The following TMPRSS6 variants were observed in gnomAD, a reference collection of about 807,000 sequenced individuals.
TMPRSS6 encodes transmembrane protease serine 6.
A neutral mutation model predicts 101.5 loss-of-function variants in TMPRSS6; 67 were observed. The observed-to-expected ratio is 0.66, with a 90% CI of 0.54 to 0.81. The LOEUF (loss-of-function observed/expected upper bound fraction) is 0.81, where lower values mean the gene tolerates loss of function less well. Ranked by LOEUF, TMPRSS6 falls within the 30% of genes least tolerant of loss-of-function variation. The probability of loss-of-function intolerance (pLI) is 0.00; values close to 1 mark genes in which losing one functional copy is unlikely to be tolerated. For synonymous variants in TMPRSS6, 453 were observed against 464.9 expected (o/e 0.97, Z 0.33); for missense variants, 1,034 against 1,088.7 (o/e 0.95, Z 0.71).
At chr22:37,108,222 T>C (rs2146202109) in intron 1 of TMPRSS6, among the ~76,000 whole-genome samples, 1 of 152,274 alleles carries the variant, frequency 6.6e-6, no homozygotes, top group South Asian at 2.1e-4. Flanking sequence ...TCAGTGCTTG[T>C]TCACGGCCAG....
At chr22:37,074,856 C>A in intron 11 of TMPRSS6, 148 bp from the exon 12 acceptor site, 1 of 883,932 alleles carries the variant, frequency 1.1e-6, no homozygotes, top group Non-Finnish European at 1.8e-6. Context: ...CCTGTGTACA[C>A]AGTCCAAGCA....
rs570001489 is a variant in TMPRSS6 at position 37,104,792 on chromosome 22, C to G, written c.-1-1374G>C. Among the ~76,000 whole-genome samples, 125 of 152,120 alleles carry G rather than the reference C, an allele frequency of 8.2e-4. 2 individuals carry two copies. Among genetic ancestry groups the G allele is most frequent in the Non-Finnish European group, 2.2e-4 (15 of 68,012 alleles). ...CCTGGCCAATATGGTGAAACCCTGTCACTATGAAAAATACAAAAATTAGCC... is the reference window on the plus strand; with the variant it reads ...CCTGGCCAATATGGTGAAACCCTGTGACTATGAAAAATACAAAAATTAGCC... On this transcript the variant is annotated intron_variant, in intron 1 of 17. Transcript: ENST00000676104.
At chr22:37,091,195 A>G (rs899971995) in intron 6 of TMPRSS6, among the ~76,000 whole-genome samples, 2 of 152,236 alleles carry the variant, frequency 1.3e-5, no homozygotes. Flanking sequence ...TGGAGCATCC[A>G]GTATCTCATT....
rs574901918 is a variant in TMPRSS6, at chr22:37,068,656, T to C, written c.2113+417A>G. On this transcript the variant is annotated intron_variant, in intron 16 of 17. Coordinates refer to ENST00000676104, the MANE Select transcript of TMPRSS6 (RefSeq NM_001374504.1). ...AGCCTTGGTTTCTCCATCCATAAAA[T>C]AGGGCCACAGCATCCGCCCGTAGGG... The C allele has an allele frequency of 3.0e-5, 23 of 779,658 alleles. 1 individual carries two copies. The highest frequency in any genetic ancestry group is 1.1e-4 in the South Asian group (8 of 74,622). The allele number at this position is 779,658 out of a possible 1,614,324, so 48.3% of individuals were successfully genotyped here.
chr22:37,066,675 T>G (rs1045097840), intron 17 of TMPRSS6, 151 bp downstream of exon 17: 1 of 1,040,676 alleles, frequency 9.6e-7, no homozygotes, highest in Non-Finnish European at 1.4e-6. Flanking sequence ...TAAGCCCCAG[T>G]CTCCTCTTCT....
intron 10 of TMPRSS6, among the ~76,000 whole-genome samples, chr22:37,083,637 C>T (rs1928436518): frequency 6.6e-6 from 1 of 152,270 alleles, no homozygotes; most frequent in Admixed American, 6.5e-5. Context: ...CACCTACTGG[C>T]CTCATGCCAT....
chr22:37,075,006 C>A, intron 11 of TMPRSS6, 129 bp downstream of exon 11: 1 of 1,490,816 alleles, frequency 6.7e-7, no homozygotes, highest in African/African-American at 1.4e-5. Flanking sequence ...CACATACACA[C>A]ACACACACAC....
chr22:37,066,957 TG>T lies in TMPRSS6; in HGVS notation c.2118del (p.Ile707SerfsTer12), dbSNP rs1469379343. ...TGWGALREGG[P>X]ISNALQKVDV... ...TCCACTTTCTGCAGAGCGTTGCTGA[TG>T]GGGCCTGTCCGTGGTCAAGGGCAGA... On this transcript the variant is annotated frameshift_variant, in exon 17 of 18. Coordinates refer to ENST00000676104, the MANE Select transcript of TMPRSS6 (RefSeq NM_001374504.1). LOFTEE classifies it high-confidence loss of function. 6.2e-7 allele frequency: 1 copy of T among 1,614,198 alleles called. No homozygotes were observed. The highest frequency in any genetic ancestry group is 1.7e-5 in the Admixed American group (1 of 60,030).
rs1342648522 is a variant in TMPRSS6, at chr22:37,103,432, A to G, written c.-1-14T>C. 26 of 1,614,220 alleles carry G rather than the reference A, an allele frequency of 1.6e-5. No homozygotes were observed. The highest frequency in any genetic ancestry group is 2.2e-5 in the Non-Finnish European group (26 of 1,180,036). On this transcript the variant is annotated splice_polypyrimidine_tract_variant and intron_variant, in intron 1 of 17. Transcript: ENST00000676104. The surrounding 1 kb of genome is among the most constrained non-coding windows in gnomAD (Gnocchi z 4.4). ...GCCACGGGCATCCTGCCAGGGAAAC[A>G]GACCAAAGTTGGAAACAGCCTCGCA...
intron 6 of TMPRSS6, among the ~76,000 whole-genome samples, chr22:37,091,388 G>A (rs904777873): frequency 6.6e-6 from 1 of 152,146 alleles, no homozygotes; most frequent in East Asian, 1.9e-4. Context: ...TGTCAGCTTG[G>A]TCAGCCTGAG....
In TMPRSS6 at chr22:37,066,008, C is replaced by T. The variant is rs146358284; in HGVS notation, c.*72G>A. On this transcript the variant is annotated 3_prime_UTR_variant, in exon 18 of 18. Coordinates refer to ENST00000676104, the MANE Select transcript of TMPRSS6 (RefSeq NM_001374504.1). ...CCCCACCCCCCGCCAGAATACTTGT[C>T]CCCCTGCTTGGCAGTTGCCCTGGGC... The T allele has an allele frequency of 6.3e-6, 10 of 1,598,020 alleles. No homozygotes were observed. In the East Asian group the frequency reaches 2.0e-4, roughly 32 times the overall value.
At chr22:37,104,655 G>A (rs540850553) in intron 1 of TMPRSS6, among the ~76,000 whole-genome samples, 13 of 152,228 alleles carry the variant, frequency 8.5e-5, no homozygotes, top group African/African-American at 2.9e-4. Flanking sequence ...CATAAATACC[G>A]TGTAGCTTTA....
chr22:37,089,570 G>A lies in TMPRSS6; in HGVS notation c.836+8C>T, dbSNP rs1267904895. 6.6e-7 allele frequency: 1 copy of A among 1,525,994 alleles called. No homozygotes were observed. 94.5% of individuals were successfully genotyped at this position (1,525,994 alleles called of 1,614,324 possible). A position where few individuals can be genotyped will look rare whatever the true frequency, so the allele number is the denominator to read the frequency against. ...CCCTCCCTCCTGCCCTCCTTCCCAG[G>A]GACTCACGAGGTGATGAGCCTCTTC... On this transcript the variant is annotated splice_region_variant and intron_variant, in intron 7 of 17. Coordinates refer to ENST00000676104, the MANE Select transcript of TMPRSS6 (RefSeq NM_001374504.1).
At chr22:37,087,481 C>T (rs1184234164) in intron 7 of TMPRSS6, among the ~76,000 whole-genome samples, 1 of 152,168 alleles carries the variant, frequency 6.6e-6, no homozygotes. Flanking sequence ...GGGCATAACC[C>T]CAAGGGTCTC....
chr22:37,100,616 G>A (rs1930237303), intron 2 of TMPRSS6, among the ~76,000 whole-genome samples: 2 of 152,218 alleles, frequency 1.3e-5, no homozygotes, highest in Admixed American at 1.3e-4. Context: ...AGGTCTGGGG[G>A]AAATTATGCA....
chr22:37,083,449 T>C (rs1462026406), intron 10 of TMPRSS6, among the ~76,000 whole-genome samples: 3 of 152,354 alleles, frequency 2.0e-5, no homozygotes, highest in Middle Eastern at 3.4e-3. Context: ...ACATTTGAGA[T>C]ATGGAACCTC....
At position 37,066,917 on chromosome 22, in the gene TMPRSS6, G is replaced by A; in HGVS notation, c.2159C>T (p.Pro720Leu). 6.2e-7 allele frequency: 1 copy of A among 1,614,176 alleles called. No individual in the cohort carries two copies. Among genetic ancestry groups the A allele is most frequent in the Non-Finnish European group, 8.5e-7 (1 of 1,180,038 alleles). Reference protein sequence around the residue: ...ALQKVDVQLIPQDLCSEVYRY... With the variant: ...ALQKVDVQLILQDLCSEVYRY... ...ATAGACCTCGCTGCACAGGTCCTGTGGGATCAACTGCACATCCACTTTCTG... is the reference window on the plus strand; with the variant it reads ...ATAGACCTCGCTGCACAGGTCCTGTAGGATCAACTGCACATCCACTTTCTG... The change falls in exon 17 of 18, where the codon CCA (proline) becomes CTA (leucine). Residue 720 changes from proline (P) to leucine (L), a missense_variant. Physicochemically the swap from Pro to Leu is moderately conservative, Grantham distance 98. Transcript: ENST00000676104.
At chr22:37,097,105 T>C (rs943502867) in intron 3 of TMPRSS6, among the ~76,000 whole-genome samples, 4 of 151,800 alleles carry the variant, frequency 2.6e-5, no homozygotes, top group African/African-American at 9.7e-5. Context: ...ACTACAGCGC[T>C]GCTGGCAGGA....
At chr22:37,089,206 G>C (rs1244365656) in intron 7 of TMPRSS6, among the ~76,000 whole-genome samples, 1 of 152,148 alleles carries the variant, frequency 6.6e-6, no homozygotes, top group Non-Finnish European at 1.5e-5. Context: ...AAGCAGAGAG[G>C]GTGGGTGTTC....
Sources: gnomAD v4.1 joint callset for allele counts (sites outside exome capture counted in the v4.1 genomes callset) on GRCh38, gnomAD v4.1.1 for gene constraint, Gnocchi (gnomAD v3.1) non-coding constraint, MANE v1.5 for transcripts, NCBI Gene and HGNC (gene_info 2026-07-23, HGNC 2026-07-21) for gene names.